Variants in MTTP observed in about 807,000 individuals in gnomAD.
MTTP encodes the protein microsomal triglyceride transfer protein large subunit.
Under a neutral mutation model 90.6 loss-of-function variants are expected in MTTP, and 49 were observed. The observed-to-expected ratio is 0.54, with a 90% CI of 0.43 to 0.69. The LOEUF is 0.69. MTTP is among the 30% of genes least tolerant of loss of function. The pLI, the probability that MTTP is intolerant of heterozygous loss-of-function variation, is 0.00. For synonymous variants in MTTP, 347 were observed against 384.2 expected, an observed-to-expected ratio of 0.90 and a Z score of 1.13; for missense variants, 945 against 1,067.5, an observed-to-expected ratio of 0.89 and a Z score of 1.60.
intron 1 of MTTP, among the ~76,000 whole-genome samples, chr4:99,565,248 T>C (rs1331837380): frequency 6.6e-6 from 1 of 152,180 alleles, no homozygotes. Context: ...ATTATACAGT[T>C]TTTTCAGAGT....
At chr4:99,608,299 G>T (rs968923034) in intron 11 of MTTP, among the ~76,000 whole-genome samples, 3 of 152,152 alleles carry the variant, frequency 2.0e-5, no homozygotes, top group African/African-American at 4.8e-5. Flanking sequence ...ACAAAAATCA[G>T]CTGGGCATGG....
At chr4:99,611,301 C>T (rs758553797) in intron 13 of MTTP, 31 bp from the exon 14 acceptor site, 5 of 1,613,906 alleles carry the variant, frequency 3.1e-6, no homozygotes, top group Non-Finnish European at 4.2e-6. Flanking sequence ...GCTGGAACTG[C>T]TATTAAATTA....
At position 99,608,903 on chromosome 4, in the gene MTTP, G is replaced by A; in HGVS notation, c.1695G>A (p.Gly565=). The stretch of plus-strand genomic sequence containing the variant: ...TCAAGAACATCCTGCTGTCTATTGG[G>A]GAGCTTCCCCAAGAAATGAATAAAT... ...MDVKNILLSI[G]ELPQEMNKYM... Residue 565 remains glycine (G), a synonymous_variant, in exon 12 of 18, where the codon GGG becomes GGA. Coordinates refer to ENST00000265517, the MANE Select transcript of MTTP (RefSeq NM_001386140.1). 2 of 1,614,062 alleles carry A rather than the reference G, an allele frequency of 1.2e-6. No homozygotes were observed. The highest frequency in any genetic ancestry group is 1.1e-5 in the South Asian group (1 of 91,062).
intron 15 of MTTP, among the ~76,000 whole-genome samples, chr4:99,613,498 G>A (rs1726013894): frequency 6.6e-6 from 1 of 152,176 alleles, no homozygotes; most frequent in Non-Finnish European, 1.5e-5. Context: ...GCTGAACTAT[G>A]TGGCCTTATA....
intron 15 of MTTP, 130 bp from the exon 16 acceptor site, chr4:99,618,844 G>A: frequency 8.0e-7 from 1 of 1,248,864 alleles, no homozygotes; most frequent in Non-Finnish European, 1.1e-6. Flanking sequence ...CAAGCCTAGA[G>A]AAAGACTCCA....
At chr4:99,612,625 C>T (rs1222443962) in intron 14 of MTTP, among the ~76,000 whole-genome samples, 1 of 152,126 alleles carries the variant, frequency 6.6e-6, no homozygotes, top group Non-Finnish European at 1.5e-5. Flanking sequence ...TGGGTCCCGC[C>T]TCTGACATTT....
Position 99,581,963 on chromosome 4 carries a change from TG to T in MTTP, c.121del (p.Glu41LysfsTer39). ...DRLYKLTYSTEVLLDRGKGKL... is the reference protein window; with the variant it reads ...DRLYKLTYSTXVLLDRGKGKL... ...GGCTGTACAAGCTCACGTACTCCACTGAAGTTCTTCTTGATCGGGGCAAAGG... is the reference window on the plus strand; with the variant it reads ...GGCTGTACAAGCTCACGTACTCCACTAAGTTCTTCTTGATCGGGGCAAAGG... On this transcript the variant is annotated frameshift_variant, in exon 2 of 18. Coordinates refer to ENST00000265517, the MANE Select transcript of MTTP (RefSeq NM_001386140.1). LOFTEE classifies it high-confidence loss of function. The T allele has an allele frequency of 6.2e-7, 1 of 1,614,216 alleles. No individual in the cohort carries two copies. Among genetic ancestry groups the T allele is most frequent in the Non-Finnish European group, 8.5e-7 (1 of 1,180,024 alleles).
intron 3 of MTTP, among the ~76,000 whole-genome samples, chr4:99,585,828 G>C (rs1022897311): frequency 6.6e-6 from 1 of 152,062 alleles, no homozygotes; most frequent in African/African-American, 2.4e-5. Context: ...GTACATCATT[G>C]TATCTTTCAA....
Position 99,582,097 on chromosome 4 carries a change from G to A in MTTP, c.249+5G>A. 1 of 1,613,962 alleles carries A rather than the reference G, an allele frequency of 6.2e-7. No homozygotes were observed. On this transcript the variant is annotated splice_donor_5th_base_variant and intron_variant, in intron 2 of 17. Transcript: ENST00000265517. ...GACCAGTTGATCCAAATAACGGTGG[G>A]CATTTTCTACCAGATAAATGCAAAG...
intron 14 of MTTP, 146 bp downstream of exon 14, chr4:99,611,599 TGTAAGAGGCTGTATG>T (rs1183053091): frequency 9.0e-7 from 1 of 1,113,666 alleles, no homozygotes; most frequent in African/African-American, 1.6e-5. Context: ...TTTCCTTATC[TGTAAGAGGCTGTATG>T]GTTTATAGTC....
chr4:99,618,618 A>G (rs913187673), intron 15 of MTTP, among the ~76,000 whole-genome samples: 3 of 152,238 alleles, frequency 2.0e-5, no homozygotes, highest in Non-Finnish European at 4.4e-5. Context: ...AGGGGAACTT[A>G]TAATCTGTAC....
chr4:99,618,861 A>G, intron 15 of MTTP, 113 bp from the exon 16 acceptor site: 2 of 1,414,658 alleles, frequency 1.4e-6, no homozygotes, highest in Non-Finnish European at 2.0e-6. Context: ...TCCAACATCA[A>G]CACAACTCAA....
chr4:99,622,601 T>G (rs988516275), intron 17 of MTTP, 76 bp from the exon 18 acceptor site: 97 of 1,487,176 alleles, frequency 6.5e-5, no homozygotes, highest in Non-Finnish European at 8.3e-5. Context: ...TCAAGTACAT[T>G]CAGTAACTTG....
intron 5 of MTTP, 78 bp downstream of exon 5, chr4:99,591,429 A>G (rs1725417724): frequency 7.9e-7 from 1 of 1,267,870 alleles, no homozygotes; most frequent in Non-Finnish European, 1.1e-6. Flanking sequence ...ATAGAAAAAT[A>G]AAGTAGAAAT....
At chr4:99,604,534 T>C (rs1056070177) in intron 10 of MTTP, among the ~76,000 whole-genome samples, 7 of 152,198 alleles carry the variant, frequency 4.6e-5, no homozygotes, top group Admixed American at 2.6e-4. Flanking sequence ...ATTTTCATCT[T>C]TGCTTTATCT....
At chr4:99,612,877 A>G (rs780997183) in intron 14 of MTTP, 36 bp from the exon 15 acceptor site, 5 of 1,557,996 alleles carry the variant, frequency 3.2e-6, no homozygotes, top group Non-Finnish European at 4.4e-6. Flanking sequence ...GCAGGCAGGG[A>G]GCTTGCGTCA....
chr4:99,573,032 G>A (rs921146520), upstream of MTTP, among the ~76,000 whole-genome samples: 2 of 152,024 alleles, frequency 1.3e-5, no homozygotes, highest in African/African-American at 4.8e-5. Flanking sequence ...AATTTAGTTT[G>A]TTAGGCAATA....
chr4:99,582,497 A>T (rs1314970890), intron 2 of MTTP, among the ~76,000 whole-genome samples: 1 of 152,192 alleles, frequency 6.6e-6, no homozygotes. Flanking sequence ...CAACAGGTGG[A>T]ATTACTGAAG....
chr4:99,565,875 G>T (rs908159228), intron 1 of MTTP, among the ~76,000 whole-genome samples: 9 of 152,214 alleles, frequency 5.9e-5, no homozygotes, highest in Admixed American at 3.9e-4. Flanking sequence ...GCACATGACT[G>T]AAAAGCTGTG....
Sources: allele counts gnomAD v4.1 joint callset (sites outside exome capture counted in the v4.1 genomes callset), GRCh38; gene constraint gnomAD v4.1.1; transcripts MANE v1.5; gene names NCBI Gene and HGNC (gene_info 2026-07-23, HGNC 2026-07-21).